MAP3K2: variants seen among roughly 807,000 people sequenced by gnomAD.
MAP3K2 encodes the protein MAP/ERK kinase kinase 2.
Under a neutral mutation model 80.3 loss-of-function variants are expected in MAP3K2, and 24 were observed. The ratio of observed to expected loss-of-function variants is 0.30; its 90% CI spans 0.22 to 0.42. The LOEUF is 0.42. Among genes scored for constraint, MAP3K2 ranks in the 10% least tolerant of loss-of-function variants. The probability of loss-of-function intolerance (pLI) is 1.00; values close to 1 mark genes in which losing one functional copy is unlikely to be tolerated. For synonymous variants in MAP3K2, 244 were observed against 253.7 expected, an observed-to-expected ratio of 0.96 and a Z score of 0.36; for missense variants, 608 against 750.1, an observed-to-expected ratio of 0.81 and a Z score of 2.21.
intron 1 of MAP3K2, among the ~76,000 whole-genome samples, chr2:127,369,355 G>A (rs923519911): frequency 1.3e-5 from 2 of 150,564 alleles, no homozygotes; most frequent in Non-Finnish European, 3.0e-5. Context: ...ATAATAGGCT[G>A]GGCGCGGTGG....
intron 15 of MAP3K2, among the ~76,000 whole-genome samples, chr2:127,313,976 T>C (rs1685854437): frequency 6.6e-6 from 1 of 152,222 alleles, no homozygotes; most frequent in Admixed American, 6.5e-5. Context: ...CTATTCATTA[T>C]TTTTATTGAT....
rs1686153680 is a variant in MAP3K2 at position 127,326,939 on chromosome 2, T to C, written c.467-122A>G. The C allele has an allele frequency of 5.2e-6, 3 of 577,826 alleles. No individual in the cohort carries two copies. The East Asian group carries it at 9.4e-5, about 18-fold the overall frequency. 35.8% of individuals were successfully genotyped at this position (577,826 alleles called of 1,614,324 possible). On this transcript the variant is annotated intron_variant, in intron 7 of 16. Transcript: ENST00000682094. ...TCAGCAAAAGAAAATTCAATTTTTA[T>C]TAAAACTTATCAGAACATTCATTTG...
At chr2:127,338,773 T>TTA (rs1408594553) in intron 3 of MAP3K2, among the ~76,000 whole-genome samples, 159 bp downstream of exon 3, 1 of 152,156 alleles carries the variant, frequency 6.6e-6, no homozygotes, top group East Asian at 1.9e-4. Flanking sequence ...TTGCTACTGT[T>TTA]AATAGATGAA....
chr2:127,356,520 T>TTTTTTA (rs1466085589), intron 1 of MAP3K2, among the ~76,000 whole-genome samples: 1 of 152,234 alleles, frequency 6.6e-6, no homozygotes, highest in South Asian at 2.1e-4. Flanking sequence ...ATTAGCCTAA[T>TTTTTTA]TTTTTATTTT....
chr2:127,367,605 C>G (rs1686994708), intron 1 of MAP3K2, among the ~76,000 whole-genome samples: 1 of 152,118 alleles, frequency 6.6e-6, no homozygotes, highest in Non-Finnish European at 1.5e-5. Flanking sequence ...CCAGCGTGGC[C>G]AACATGGTGA....
chr2:127,367,405 T>C (rs1379256596), intron 1 of MAP3K2, among the ~76,000 whole-genome samples: 1 of 152,218 alleles, frequency 6.6e-6, no homozygotes, highest in Non-Finnish European at 1.5e-5. Flanking sequence ...ATTAAAGCCA[T>C]CATATGAAAC....
rs1685649317 is a variant in MAP3K2, at chr2:127,304,130, T to C, written c.*3449A>G. On this transcript the variant is annotated 3_prime_UTR_variant, in exon 17 of 17. Transcript: ENST00000682094. ...ACAGTTCAGCAAATGCATTAATATTTTAATTCCTTATATATGTTATGTAAG... is the reference window on the plus strand; with the variant it reads ...ACAGTTCAGCAAATGCATTAATATTCTAATTCCTTATATATGTTATGTAAG... 1 of 152,160 alleles carries C rather than the reference T, an allele frequency of 6.6e-6. No homozygotes were observed. The highest frequency in any genetic ancestry group is 1.5e-5 in the Non-Finnish European group (1 of 68,018). The allele number at this position is 152,160 out of a possible 1,614,324, so 9.4% of individuals were successfully genotyped here.
At chr2:127,332,020 C>T (rs531757151) in intron 5 of MAP3K2, among the ~76,000 whole-genome samples, 2 of 152,162 alleles carry the variant, frequency 1.3e-5, no homozygotes, top group African/African-American at 4.8e-5. Context: ...AATATATTCC[C>T]AATTTCTGTT....
rs56904810 is a variant in MAP3K2, at chr2:127,354,239, TAA to T, written c.-65-11047_-65-11046del. On this transcript the variant is annotated intron_variant, in intron 1 of 16. Transcript: ENST00000682094. Reference sequence around the variant, plus strand: ...GCGAGAAACACCCAAGAATGATCAATAAAAAAAAAAAAAGAAAGAAATATCAT... The same window carrying T: ...GCGAGAAACACCCAAGAATGATCAATAAAAAAAAAAAGAAAGAAATATCAT... Among the ~76,000 whole-genome samples, 13 of 113,694 alleles carry T rather than the reference TAA, an allele frequency of 1.1e-4. No individual in the cohort carries two copies. In the South Asian group the frequency reaches 1.5e-3, roughly 13 times the overall value. 74.6% of individuals were successfully genotyped at this position (113,694 alleles called of 152,430 possible).
chr2:127,383,554 C>T (rs1324132323), intron 1 of MAP3K2, among the ~76,000 whole-genome samples: 1 of 152,122 alleles, frequency 6.6e-6, no homozygotes, highest in Non-Finnish European at 1.5e-5. Context: ...GATTATTTGT[C>T]AAATTCAAGA....
intron 1 of MAP3K2, among the ~76,000 whole-genome samples, chr2:127,381,764 C>T (rs903107361): frequency 1.3e-5 from 2 of 152,158 alleles, no homozygotes; most frequent in African/African-American, 2.4e-5. Context: ...GCACAGTGTA[C>T]GTCTCCTAAT....
In MAP3K2 at chr2:127,305,783, A is replaced by G. The variant is rs1685685526; in HGVS notation, c.*1796T>C. 6.6e-6 allele frequency: 1 copy of G among 152,170 alleles called. No individual in the cohort carries two copies. The highest frequency in any genetic ancestry group is 2.4e-5 in the African/African-American group (1 of 41,458). 9.4% of individuals were successfully genotyped at this position (152,170 alleles called of 1,614,324 possible). ...TGCTGATATCTTCATGTTTTATAGTAGCACAATTCTATTAGAGATAGTGGG... is the reference window on the plus strand; with the variant it reads ...TGCTGATATCTTCATGTTTTATAGTGGCACAATTCTATTAGAGATAGTGGG... On this transcript the variant is annotated 3_prime_UTR_variant, in exon 17 of 17. Coordinates refer to ENST00000682094, the MANE Select transcript of MAP3K2 (RefSeq NM_001371910.2).
In MAP3K2 at chr2:127,360,526, G is replaced by A. The variant is rs1272812099; in HGVS notation, c.-65-17332C>T. 4.6e-5 allele frequency among the ~76,000 whole-genome samples: 7 copies of A among 152,236 alleles called. No individual in the cohort carries two copies. In the South Asian group the frequency reaches 1.2e-3, roughly 27 times the overall value. ...CAAAACTAGGGGTGACAGTTTGACA[G>A]TTATACACATATGTCAAAATTTGCC... On this transcript the variant is annotated intron_variant, in intron 1 of 16. Coordinates refer to ENST00000682094, the MANE Select transcript of MAP3K2 (RefSeq NM_001371910.2).
chr2:127,347,955 C>T (rs1252237259), intron 1 of MAP3K2, among the ~76,000 whole-genome samples: 2 of 152,072 alleles, frequency 1.3e-5, no homozygotes, highest in Non-Finnish European at 2.9e-5. Context: ...GTTTCCACTC[C>T]TATTGTATAT....
At chr2:127,388,298 G>C, upstream of MAP3K2, 1 of 985,612 alleles carries the variant, frequency 1.0e-6, no homozygotes, top group Non-Finnish European at 1.2e-6. Flanking sequence ...CATCCGAGTA[G>C]ATCCCGTGAA....
chr2:127,382,070 T>C (rs148118815), intron 1 of MAP3K2, among the ~76,000 whole-genome samples: 1 of 152,300 alleles, frequency 6.6e-6, no homozygotes, highest in East Asian at 1.9e-4. Flanking sequence ...CCTTAACAAC[T>C]AAATGCAATG....
chr2:127,320,282 C>T (rs1310351890), intron 12 of MAP3K2, among the ~76,000 whole-genome samples: 10 of 151,998 alleles, frequency 6.6e-5, no homozygotes, highest in South Asian at 2.1e-4. Flanking sequence ...GTGAACAGAG[C>T]GATGGAAACT....
Position 127,335,904 on chromosome 2 carries a change from C to T in MAP3K2, c.230G>A (p.Gly77Glu). 2 of 1,574,856 alleles carry T rather than the reference C, an allele frequency of 1.3e-6. No homozygotes were observed. Among genetic ancestry groups the T allele is most frequent in the Non-Finnish European group, 1.7e-6 (2 of 1,157,234 alleles). Residue 77 changes from glycine (G) to glutamate (E), a missense_variant, in exon 5 of 17, where the codon GGA becomes GAA. Transcript: ENST00000682094. The part of the protein sequence containing the change: ...DLRSKAKIAF[G>E]QSMDLHYTNN... ...GGTATAATGTAGATCCATAGACTGTCCAAAGGCAATTTTAGCTTTAGATCT... is the reference window on the plus strand; with the variant it reads ...GGTATAATGTAGATCCATAGACTGTTCAAAGGCAATTTTAGCTTTAGATCT...
chr2:127,384,848 G>A (rs143782169), intron 1 of MAP3K2, among the ~76,000 whole-genome samples: 4 of 151,894 alleles, frequency 2.6e-5, no homozygotes, highest in Admixed American at 1.3e-4. Flanking sequence ...TGTTGCCCAC[G>A]CTGTTCTTGA....
Sources: allele counts gnomAD v4.1 joint callset (sites outside exome capture counted in the v4.1 genomes callset), GRCh38; gene constraint gnomAD v4.1.1; transcripts MANE v1.5; gene names NCBI Gene and HGNC (gene_info 2026-07-23, HGNC 2026-07-21).